Variants in NAALADL2 observed in about 807,000 individuals in gnomAD.
The protein encoded by NAALADL2 is inactive N-acetylated-alpha-linked acidic dipeptidase-like protein 2.
In NAALADL2, 76 loss-of-function variants were observed where a neutral mutation model predicts 87.2. The observed-to-expected ratio is 0.87, with a 90% CI of 0.72 to 1.05. The LOEUF is 1.05. Among genes scored for constraint, NAALADL2 ranks in the 50% least tolerant of loss-of-function variants. NAALADL2 has a pLI of 0.00. For synonymous variants in NAALADL2, 354 were observed against 331.0 expected (o/e 1.07, Z -0.75); for missense variants, 1,089 against 945.8 (o/e 1.15, Z -1.99).
intron 3 of NAALADL2, among the ~76,000 whole-genome samples, chr3:174,799,816 A>T (rs1269205159): frequency 6.6e-6 from 1 of 152,150 alleles, no homozygotes; most frequent in Non-Finnish European, 1.5e-5. Flanking sequence ...GCTTTGACCA[A>T]AAGCCTGATA....
chr3:175,257,973 A>T (rs2109851767), intron 4 of NAALADL2, among the ~76,000 whole-genome samples: 1 of 152,248 alleles, frequency 6.6e-6, no homozygotes, highest in Admixed American at 6.5e-5. Flanking sequence ...AGTAAGACAC[A>T]AAAAGAAAAA....
intron 2 of NAALADL2, among the ~76,000 whole-genome samples, chr3:174,678,147 G>A (rs1727215308): frequency 6.6e-6 from 1 of 152,112 alleles, no homozygotes; most frequent in South Asian, 2.1e-4. Context: ...TCAATTGTAT[G>A]TCTCTTACTG....
chr3:174,947,757 T>TAC (rs1579670067), intron 1 of NAALADL2, among the ~76,000 whole-genome samples: 1 of 152,008 alleles, frequency 6.6e-6, no homozygotes. Context: ...CTGACACATA[T>TAC]ACACACACAT....
chr3:174,896,315 TAA>T (rs1184566017), intron 1 of NAALADL2, among the ~76,000 whole-genome samples: 1 of 151,932 alleles, frequency 6.6e-6, no homozygotes, highest in Non-Finnish European at 1.5e-5. Flanking sequence ...TTAGAACTGA[TAA>T]AAAAAATTCA....
chr3:175,688,389 A>G (rs1008665811), intron 11 of NAALADL2, among the ~76,000 whole-genome samples: 10 of 152,212 alleles, frequency 6.6e-5, no homozygotes, highest in Admixed American at 6.5e-4. Context: ...ACCACATATT[A>G]TCAGGAGCTC....
intron 6 of NAALADL2, chr3:175,460,200 C>G (rs1332261194): frequency 2.2e-6 from 1 of 455,940 alleles, no homozygotes; most frequent in Admixed American, 2.4e-5. Flanking sequence ...CAAGTTTATT[C>G]AAGACTTTCT....
chr3:175,718,563 C>A, intron 11 of NAALADL2: 1 of 1,592,614 alleles, frequency 6.3e-7, no homozygotes, highest in Non-Finnish European at 8.6e-7. Flanking sequence ...TCTTCTAGAT[C>A]CCAGCTAACT....
At chr3:175,074,255 A>G (rs139331280) in intron 1 of NAALADL2, among the ~76,000 whole-genome samples, 2 of 152,218 alleles carry the variant, frequency 1.3e-5, no homozygotes, top group East Asian at 1.9e-4. Flanking sequence ...TTTGACTCAC[A>G]TGTCTCAGGT....
chr3:175,670,752 T>C (rs533731702), intron 11 of NAALADL2, among the ~76,000 whole-genome samples: 2 of 151,090 alleles, frequency 1.3e-5, no homozygotes, highest in Non-Finnish European at 3.0e-5. Context: ...CCACACAAAA[T>C]TATCCAACGT....
At chr3:175,774,800 A>C (rs1469451144) in intron 13 of NAALADL2, 1 of 152,094 alleles carries the variant, frequency 6.6e-6, no homozygotes, top group Non-Finnish European at 1.5e-5. Context: ...GTAAAAATAA[A>C]GTGAAAATAT....
chr3:174,717,903 A>C (rs1213735755), intron 2 of NAALADL2, among the ~76,000 whole-genome samples: 1 of 152,164 alleles, frequency 6.6e-6, no homozygotes, highest in Non-Finnish European at 1.5e-5. Context: ...AGGCGGGCAG[A>C]TCACCTGAAG....
rs143083254 is a variant in NAALADL2 at position 174,570,226 on chromosome 3, A to G, written c.-115+19589A>G. Among the ~76,000 whole-genome samples the G allele has an allele frequency of 1.6e-3, 245 of 150,668 alleles. 1 individual carries two copies. Among genetic ancestry groups the G allele is most frequent in the African/African-American group, 5.7e-3 (234 of 41,172 alleles). The stretch of plus-strand genomic sequence containing the variant: ...TTTATTTATGCTTTGTTTTATACCC[A>G]TGGGAGGGCAAGCCTGGTCTCATTT... On this transcript the variant is annotated intron_variant, in intron 2 of 3. Transcript: ENST00000434257.
intron 3 of NAALADL2, among the ~76,000 whole-genome samples, chr3:175,248,036 A>T (rs1055067134): frequency 2.6e-5 from 4 of 152,216 alleles, no homozygotes; most frequent in African/African-American, 4.8e-5. Flanking sequence ...CTTAATCTTC[A>T]AAAGGGCCCC....
At chr3:174,721,204 AGT>A (rs1731679825) in intron 2 of NAALADL2, among the ~76,000 whole-genome samples, 1 of 152,224 alleles carries the variant, frequency 6.6e-6, no homozygotes, top group Non-Finnish European at 1.5e-5. Context: ...AAGCATAGTT[AGT>A]GTATTTAATA....
At chr3:174,753,163 G>A (rs2109045567) in intron 3 of NAALADL2, among the ~76,000 whole-genome samples, 1 of 151,974 alleles carries the variant, frequency 6.6e-6, no homozygotes, top group South Asian at 2.1e-4. Context: ...AAGTGCAGTG[G>A]CTTCATCTCA....
intron 10 of NAALADL2, among the ~76,000 whole-genome samples, chr3:175,612,931 G>A (rs1400363441): frequency 2.6e-5 from 4 of 151,966 alleles, no homozygotes; most frequent in African/African-American, 7.3e-5. Flanking sequence ...TTACCATGAC[G>A]CTGGGTGTGG....
chr3:174,516,958 T>A (rs899096128), intron 1 of NAALADL2, among the ~76,000 whole-genome samples: 1 of 151,952 alleles, frequency 6.6e-6, no homozygotes, highest in Non-Finnish European at 1.5e-5. Context: ...AGTATTATAA[T>A]TTAAATTATT....
intron 3 of NAALADL2, among the ~76,000 whole-genome samples, chr3:174,832,587 G>T (rs536687667): frequency 2.1e-3 from 313 of 151,936 alleles, no homozygotes; most frequent in Non-Finnish European, 3.6e-3. Context: ...TCAGCCTCCC[G>T]AGTAGCTGAG....
At position 174,644,549 on chromosome 3, in the gene NAALADL2, T is replaced by C. The variant is rs952219827; in HGVS notation, c.-114-93092T>C. On this transcript the variant is annotated intron_variant, in intron 2 of 3. Transcript: ENST00000434257. ...ATTTAAACCATGTAGTTTAAACCCA[T>C]GCAGTTTAAACCCAGGAGCCATGCA... Among the ~76,000 whole-genome samples the C allele has an allele frequency of 5.3e-5, 8 of 152,072 alleles. No homozygotes were observed. The East Asian group carries it at 1.6e-3, about 29-fold the overall frequency.
Sources: gnomAD v4.1 joint callset for allele counts (sites outside exome capture counted in the v4.1 genomes callset) on GRCh38, gnomAD v4.1.1 for gene constraint, MANE v1.5 for transcripts, NCBI Gene and HGNC (gene_info 2026-07-23, HGNC 2026-07-21) for gene names.